Variants in ST6GALNAC3 observed in about 807,000 individuals in gnomAD.
ST6GALNAC3 encodes alpha-N-acetylgalactosaminide alpha-2,6-sialyltransferase 3.
Under a neutral mutation model 32.7 loss-of-function variants are expected in ST6GALNAC3, and 25 were observed. The observed-to-expected ratio is 0.76, with a 90% CI of 0.56 to 1.07. The LOEUF (loss-of-function observed/expected upper bound fraction) is 1.07. ST6GALNAC3 is among the 50% of genes least tolerant of loss of function. The pLI is 0.00. For missense variants in ST6GALNAC3, 355 were observed against 382.4 expected (o/e 0.93, Z 0.60); for synonymous variants, 129 against 133.1 (o/e 0.97, Z 0.21).
chr1:76,280,156 G>A (rs1659417726), intron 1 of ST6GALNAC3, among the ~76,000 whole-genome samples: 1 of 151,470 alleles, frequency 6.6e-6, no homozygotes, highest in South Asian at 2.1e-4. Context: ...TCTTCCAGTC[G>A]CCCTTTTTTC....
At chr1:76,390,706 GAGTTTGTGTGCCA>G (rs1652467606) in intron 2 of ST6GALNAC3, among the ~76,000 whole-genome samples, 2 of 152,080 alleles carry the variant, frequency 1.3e-5, no homozygotes, top group Non-Finnish European at 2.9e-5. Flanking sequence ...TCAGTGCCAG[GAGTTTGTGTGCCA>G]AGAAAACAGA....
At chr1:76,124,149 A>G (rs967588546) in intron 1 of ST6GALNAC3, among the ~76,000 whole-genome samples, 7 of 152,108 alleles carry the variant, frequency 4.6e-5, no homozygotes, top group Non-Finnish European at 1.0e-4. Flanking sequence ...CGCAGAATTT[A>G]GTGGAACTCC....
chr1:76,567,271 T>C (rs77499255), intron 3 of ST6GALNAC3, among the ~76,000 whole-genome samples: 1,890 of 152,290 alleles, frequency 0.012, 37 homozygotes, highest in African/African-American at 0.043. Flanking sequence ...ATATCAGGTT[T>C]AATATACTAT....
chr1:76,425,586 G>A (rs539170036), intron 3 of ST6GALNAC3, among the ~76,000 whole-genome samples: 1 of 152,036 alleles, frequency 6.6e-6, no homozygotes, highest in East Asian at 1.9e-4. Flanking sequence ...CTGGGAACTC[G>A]TCGGAACTTC....
intron 1 of ST6GALNAC3, among the ~76,000 whole-genome samples, chr1:76,133,451 T>C (rs867668606): frequency 6.6e-6 from 1 of 152,166 alleles, no homozygotes; most frequent in African/African-American, 2.4e-5. Context: ...CTGCTCGTCT[T>C]ATATCTCCGC....
At chr1:76,191,972 C>T (rs1163900365) in intron 1 of ST6GALNAC3, among the ~76,000 whole-genome samples, 1 of 151,986 alleles carries the variant, frequency 6.6e-6, no homozygotes, top group Non-Finnish European at 1.5e-5. Flanking sequence ...GTTCAGGGCC[C>T]CTTAGAAAAA....
At chr1:76,599,398 T>G (rs562022239) in intron 3 of ST6GALNAC3, among the ~76,000 whole-genome samples, 138 of 152,126 alleles carry the variant, frequency 9.1e-4, no homozygotes, top group African/African-American at 3.1e-3. Flanking sequence ...ATTATCTAGG[T>G]TTTAAGCCCC....
chr1:76,189,022 T>G (rs1653740832), intron 1 of ST6GALNAC3, among the ~76,000 whole-genome samples: 1 of 152,250 alleles, frequency 6.6e-6, no homozygotes, highest in Non-Finnish European at 1.5e-5. Flanking sequence ...GACCCCTGCA[T>G]AGGCATTTGA....
At chr1:76,450,689 C>G (rs1657328995) in intron 3 of ST6GALNAC3, among the ~76,000 whole-genome samples, 1 of 152,142 alleles carries the variant, frequency 6.6e-6, no homozygotes, top group Non-Finnish European at 1.5e-5. Flanking sequence ...GGTTTCAGGT[C>G]TTAGATATAA....
At chr1:76,272,324 GAAAAA>G (rs55839101) in intron 1 of ST6GALNAC3, among the ~76,000 whole-genome samples, 3 of 112,056 alleles carry the variant, frequency 2.7e-5, no homozygotes, top group Non-Finnish European at 3.5e-5. Flanking sequence ...CTCAGTCTCG[GAAAAA>G]AAAAAAAAAA....
chr1:76,211,372 G>A (rs1482325473), intron 1 of ST6GALNAC3, among the ~76,000 whole-genome samples: 1 of 152,194 alleles, frequency 6.6e-6, no homozygotes, highest in African/African-American at 2.4e-5. Flanking sequence ...GTGGAAGTCA[G>A]TGTGGCGATT....
chr1:76,490,856 CTTTTTTTTTGT>C (rs1397911561), intron 3 of ST6GALNAC3, among the ~76,000 whole-genome samples: 3 of 133,952 alleles, frequency 2.2e-5, no homozygotes, highest in South Asian at 2.2e-4. Flanking sequence ...TTCTTTTTTT[CTTTTTTTTTGT>C]TTTTTTTTGA....
chr1:76,512,957 C>T (rs2101762737), intron 3 of ST6GALNAC3, among the ~76,000 whole-genome samples: 1 of 144,184 alleles, frequency 6.9e-6, no homozygotes, highest in Admixed American at 7.1e-5. Context: ...CTCACTTTTT[C>T]TTTTGAAAAA....
In ST6GALNAC3 at chr1:76,521,421, G is replaced by A. The variant is rs115166983; in HGVS notation, c.624-106031G>A. Among the ~76,000 whole-genome samples, 250 of 152,060 alleles carry A rather than the reference G, an allele frequency of 1.6e-3. 3 individuals are homozygous for A. The highest frequency in any genetic ancestry group is 5.7e-3 in the African/African-American group (236 of 41,504). ...GAGAGCCTCACTATGTTGCTAAGTG[G>A]GCAACTGAGCTTATCTCAAAACTTC... On this transcript the variant is annotated intron_variant, in intron 3 of 4. Transcript: ENST00000328299.
chr1:76,425,158 A>G (rs1172807929), intron 3 of ST6GALNAC3, among the ~76,000 whole-genome samples: 1 of 151,958 alleles, frequency 6.6e-6, no homozygotes. Context: ...GCACATCCAC[A>G]TTTCAAAAAT....
At chr1:76,516,801 A>T (rs189941672) in intron 3 of ST6GALNAC3, among the ~76,000 whole-genome samples, 1 of 152,012 alleles carries the variant, frequency 6.6e-6, no homozygotes, top group African/African-American at 2.4e-5. Flanking sequence ...TCAGATTTCT[A>T]TTAGCTTGTC....
chr1:76,172,886 A>T (rs1396913485), intron 1 of ST6GALNAC3, among the ~76,000 whole-genome samples: 1 of 152,232 alleles, frequency 6.6e-6, no homozygotes, highest in African/African-American at 2.4e-5. Context: ...GGAAGAATTA[A>T]TATCATGAAA....
chr1:76,600,822 T>A (rs145841421), intron 3 of ST6GALNAC3, among the ~76,000 whole-genome samples: 25 of 152,334 alleles, frequency 1.6e-4, no homozygotes, highest in East Asian at 1.2e-3. Flanking sequence ...TTTTTCCAAA[T>A]GTTATTTCAT....
intron 3 of ST6GALNAC3, among the ~76,000 whole-genome samples, chr1:76,584,937 A>G (rs140478273): frequency 1.3e-5 from 2 of 152,334 alleles, no homozygotes; most frequent in African/African-American, 4.8e-5. Flanking sequence ...GAGGCCAGCA[A>G]TATCCCAAAT....
Sources: allele counts gnomAD v4.1 joint callset (sites outside exome capture counted in the v4.1 genomes callset), GRCh38; gene constraint gnomAD v4.1.1; transcripts MANE v1.5; gene names NCBI Gene and HGNC (gene_info 2026-07-23, HGNC 2026-07-21).